PITPNC1: variants seen among roughly 807,000 people sequenced by gnomAD.
The protein encoded by PITPNC1 is phosphatidylinositol transfer protein cytoplasmic 1.
In PITPNC1, 18 loss-of-function variants were observed where a neutral mutation model predicts 44.7. That is an observed-to-expected ratio of 0.40 (90% CI 0.28 to 0.60). PITPNC1 has a LOEUF of 0.60. Ranked by LOEUF, PITPNC1 falls within the 20% of genes least tolerant of loss-of-function variation. The pLI is 0.39. For missense variants in PITPNC1, 290 were observed against 418.4 expected (o/e 0.69, Z 2.68); for synonymous variants, 141 against 149.6 (o/e 0.94, Z 0.42).
At chr17:67,621,656 A>C (rs2041831832) in intron 5 of PITPNC1, among the ~76,000 whole-genome samples, 1 of 152,200 alleles carries the variant, frequency 6.6e-6, no homozygotes, top group African/African-American at 2.4e-5. Context: ...ACAGTGTTGA[A>C]CACACAGTAG....
rs561390912 is a variant in PITPNC1, at chr17:67,386,758, G to A, written c.48+8556G>A. Among the ~76,000 whole-genome samples the A allele has an allele frequency of 8.7e-4, 132 of 152,292 alleles. 3 individuals are homozygous for A. In the South Asian group the frequency reaches 0.018, roughly 21 times the overall value. Reference sequence around the variant, plus strand: ...GGCTTTGGCCTGTTTTCTGTTGCCTGGAGGTCTGTAGTGTTAGGCAAGTCT... The same window carrying A: ...GGCTTTGGCCTGTTTTCTGTTGCCTAGAGGTCTGTAGTGTTAGGCAAGTCT... On this transcript the variant is annotated intron_variant, in intron 1 of 8. Transcript: ENST00000581322.
At chr17:67,418,955 G>A (rs374546408) in intron 1 of PITPNC1, among the ~76,000 whole-genome samples, 28 of 152,232 alleles carry the variant, frequency 1.8e-4, no homozygotes, top group African/African-American at 6.5e-4. Context: ...TGATGACTTG[G>A]GTAGTGTTCA....
intron 4 of PITPNC1, among the ~76,000 whole-genome samples, chr17:67,574,947 C>G (rs370917502): frequency 2.0e-5 from 3 of 152,160 alleles, no homozygotes; most frequent in African/African-American, 7.2e-5. Flanking sequence ...AGTCCCCACT[C>G]AAAAATAACA....
At chr17:67,566,766 G>A (rs2040986051) in intron 4 of PITPNC1, among the ~76,000 whole-genome samples, 1 of 152,090 alleles carries the variant, frequency 6.6e-6, no homozygotes. Flanking sequence ...GCTGTTAGTG[G>A]CCACAGCACA....
chr17:67,571,593 G>A (rs1362544795), intron 4 of PITPNC1, among the ~76,000 whole-genome samples: 1 of 152,186 alleles, frequency 6.6e-6, no homozygotes. Context: ...CAGAAATGCA[G>A]GGTCCTCTTC....
At chr17:67,680,505 T>G (rs1598984232) in intron 8 of PITPNC1, among the ~76,000 whole-genome samples, 1 of 150,902 alleles carries the variant, frequency 6.6e-6, no homozygotes, top group Admixed American at 6.6e-5. Flanking sequence ...GAGGCTGAGG[T>G]AGGAGAATCG....
chr17:67,654,056 G>T (rs2042237352), intron 6 of PITPNC1, among the ~76,000 whole-genome samples: 1 of 152,144 alleles, frequency 6.6e-6, no homozygotes. Flanking sequence ...TAAGGGAGCG[G>T]CCCATGACAG....
At chr17:67,685,886 A>T (rs1717936597) in intron 8 of PITPNC1, among the ~76,000 whole-genome samples, 2 of 151,910 alleles carry the variant, frequency 1.3e-5, no homozygotes, top group Admixed American at 6.6e-5. Context: ...GCTGGAGTGC[A>T]GTGGTGTGAT....
intron 2 of PITPNC1, among the ~76,000 whole-genome samples, chr17:67,542,305 A>G (rs1466244314): frequency 2.0e-5 from 3 of 152,208 alleles, no homozygotes; most frequent in Admixed American, 1.3e-4. Flanking sequence ...GAGAAAGAAA[A>G]AAATTGACAG....
chr17:67,574,858 C>A (rs753693733), intron 4 of PITPNC1, among the ~76,000 whole-genome samples: 57 of 152,170 alleles, frequency 3.7e-4, no homozygotes, highest in Admixed American at 9.2e-4. Flanking sequence ...AGGAGCTGTT[C>A]TCTGGCCACC....
chr17:67,378,614 G>A (rs1295989292), intron 1 of PITPNC1, among the ~76,000 whole-genome samples: 4 of 152,144 alleles, frequency 2.6e-5, no homozygotes, highest in Non-Finnish European at 4.4e-5. Context: ...CTGCGGTCAG[G>A]TAGGGGTGCG....
intron 1 of PITPNC1, among the ~76,000 whole-genome samples, chr17:67,464,590 T>G (rs2143983092): frequency 6.6e-6 from 1 of 152,314 alleles, no homozygotes; most frequent in East Asian, 1.9e-4. Flanking sequence ...TTCAACACTG[T>G]CCTGAGTTCA....
At chr17:67,383,802 G>T (rs1466790306) in intron 1 of PITPNC1, among the ~76,000 whole-genome samples, 1 of 152,198 alleles carries the variant, frequency 6.6e-6, no homozygotes, top group African/African-American at 2.4e-5. Context: ...ACTTTGGGAG[G>T]CTGAGGCGGG....
At chr17:67,541,069 G>A (rs564410692) in intron 2 of PITPNC1, among the ~76,000 whole-genome samples, 15 of 152,072 alleles carry the variant, frequency 9.9e-5, no homozygotes, top group East Asian at 1.9e-4. Context: ...GCAAAAATTC[G>A]CCAGGAGCGG....
chr17:67,496,694 T>C (rs1259625983), intron 1 of PITPNC1, among the ~76,000 whole-genome samples: 2 of 152,254 alleles, frequency 1.3e-5, no homozygotes, highest in East Asian at 3.9e-4. Flanking sequence ...CCCAGACTCA[T>C]ACATGGTGAT....
At chr17:67,557,165 C>T (rs1308150893) in intron 4 of PITPNC1, among the ~76,000 whole-genome samples, 2 of 152,110 alleles carry the variant, frequency 1.3e-5, no homozygotes, top group African/African-American at 4.8e-5. Flanking sequence ...CTGGTAAGCA[C>T]GTGGCCATCT....
chr17:67,628,737 A>T (rs1373176633), intron 5 of PITPNC1, among the ~76,000 whole-genome samples: 1 of 152,176 alleles, frequency 6.6e-6, no homozygotes, highest in African/African-American at 2.4e-5. Flanking sequence ...TGCAGCACGC[A>T]GTGCCTGCAG....
At position 67,681,153 on chromosome 17, in the gene PITPNC1, C is replaced by T. The variant is rs73342293; in HGVS notation, c.682+5611C>T. Among the ~76,000 whole-genome samples the T allele has an allele frequency of 7.1e-3, 1,087 of 152,284 alleles. 11 individuals carry two copies. Among genetic ancestry groups the T allele is most frequent in the African/African-American group, 0.024 (1,014 of 41,560 alleles). On this transcript the variant is annotated intron_variant, in intron 8 of 8. Transcript: ENST00000581322. ...AACTGACTTCTAAAGGCCTTTCAAA[C>T]ATATGATCTTGCCTCCACTTCCTGT...
At chr17:67,502,284 C>CT (rs34451812) in intron 1 of PITPNC1, among the ~76,000 whole-genome samples, 40,975 of 146,804 alleles carry the variant, frequency 0.28, 6,363 homozygotes, top group South Asian at 0.38. Flanking sequence ...TTTACTTGTA[C>CT]TTTTTTTTTT....
Sources: gnomAD v4.1 joint callset for allele counts (sites outside exome capture counted in the v4.1 genomes callset) on GRCh38, gnomAD v4.1.1 for gene constraint, MANE v1.5 for transcripts, NCBI Gene and HGNC (gene_info 2026-07-23, HGNC 2026-07-21) for gene names.